GALNT7: variants seen among roughly 807,000 people sequenced by gnomAD.
GALNT7 encodes the protein N-acetylgalactosaminyltransferase 7.
A neutral mutation model predicts 82.1 loss-of-function variants in GALNT7; 60 were observed. That is an observed-to-expected ratio of 0.73 (90% CI 0.59 to 0.91). The LOEUF is 0.91. Among genes scored for constraint, GALNT7 ranks in the 40% least tolerant of loss-of-function variants. The pLI is 0.00. For synonymous variants in GALNT7, 243 were observed against 275.1 expected (o/e 0.88, Z 1.15); for missense variants, 660 against 804.2 (o/e 0.82, Z 2.17).
intron 8 of GALNT7, among the ~76,000 whole-genome samples, chr4:173,304,690 C>T (rs980631968): frequency 6.6e-6 from 1 of 151,814 alleles, no homozygotes; most frequent in African/African-American, 2.4e-5. Context: ...CAAAATCAGC[C>T]CACTCCCCCC....
At chr4:173,265,304 G>T (rs1735441727) in intron 2 of GALNT7, among the ~76,000 whole-genome samples, 1 of 152,132 alleles carries the variant, frequency 6.6e-6, no homozygotes, top group Admixed American at 6.5e-5. Flanking sequence ...AACCCATTTT[G>T]CCTGACATAC....
At chr4:173,272,528 A>G (rs1465264966) in intron 2 of GALNT7, among the ~76,000 whole-genome samples, 2 of 152,214 alleles carry the variant, frequency 1.3e-5, no homozygotes, top group Non-Finnish European at 2.9e-5. Context: ...CTATTTGATA[A>G]CTAACTTCAA....
At chr4:173,217,682 A>G (rs1733514135) in intron 1 of GALNT7, among the ~76,000 whole-genome samples, 1 of 152,132 alleles carries the variant, frequency 6.6e-6, no homozygotes, top group Admixed American at 6.5e-5. Context: ...GTTTTTTGCC[A>G]TTCATAATTT....
At chr4:173,283,649 A>G (rs1451432164) in intron 2 of GALNT7, among the ~76,000 whole-genome samples, 1 of 151,886 alleles carries the variant, frequency 6.6e-6, no homozygotes, top group Non-Finnish European at 1.5e-5. Context: ...AAAAAAAAAA[A>G]AAAAGAAAGT....
chr4:173,285,748 C>T (rs1336195121), intron 2 of GALNT7, among the ~76,000 whole-genome samples: 2 of 152,096 alleles, frequency 1.3e-5, no homozygotes, highest in Non-Finnish European at 2.9e-5. Context: ...CAGGGTGGAG[C>T]CCTTTTACGA....
At chr4:173,200,164 A>G (rs1273314550) in intron 1 of GALNT7, among the ~76,000 whole-genome samples, 2 of 152,252 alleles carry the variant, frequency 1.3e-5, no homozygotes, top group South Asian at 2.1e-4. Flanking sequence ...AACCAATTAT[A>G]TATCTAACTT....
chr4:173,318,362 C>G (rs1737679341), intron 10 of GALNT7, 69 bp from the exon 11 acceptor site: 2 of 1,279,684 alleles, frequency 1.6e-6, no homozygotes, highest in South Asian at 1.4e-5. Flanking sequence ...AGTTAAGTTT[C>G]TTTCTTTTCA....
chr4:173,209,588 A>G (rs1003179216), intron 1 of GALNT7, among the ~76,000 whole-genome samples: 1 of 152,136 alleles, frequency 6.6e-6, no homozygotes, highest in Non-Finnish European at 1.5e-5. Flanking sequence ...GTCTCCTTCC[A>G]CTACCTGACA....
At chr4:173,184,203 C>A (rs933752418) in intron 1 of GALNT7, among the ~76,000 whole-genome samples, 1 of 151,884 alleles carries the variant, frequency 6.6e-6, no homozygotes, top group African/African-American at 2.4e-5. Context: ...GGGTGGCGGC[C>A]GGGCAGAGGC....
rs193090455 is a variant in GALNT7 at position 173,182,334 on chromosome 4, T to C, written c.126+13373T>C. Among the ~76,000 whole-genome samples, 413 of 152,322 alleles carry C rather than the reference T, an allele frequency of 2.7e-3. 7 individuals are homozygous for C. Among genetic ancestry groups the C allele is most frequent in the Admixed American group, 0.024 (366 of 15,298 alleles). On this transcript the variant is annotated intron_variant, in intron 1 of 11. Coordinates refer to ENST00000265000, the MANE Select transcript of GALNT7 (RefSeq NM_017423.3). ...ACTTAAGGTAAGAGCAAAAGTAATA[T>C]ACATTTGTTCAGTATTTTTGTTTTC...
intron 1 of GALNT7, among the ~76,000 whole-genome samples, chr4:173,226,552 G>A (rs1156757221): frequency 1.3e-5 from 2 of 152,062 alleles, no homozygotes; most frequent in Non-Finnish European, 2.9e-5. Flanking sequence ...TTGTTAAAGC[G>A]TCCTCTTTGA....
At chr4:173,241,061 G>C (rs980237154) in intron 1 of GALNT7, among the ~76,000 whole-genome samples, 1 of 152,066 alleles carries the variant, frequency 6.6e-6, no homozygotes, top group Non-Finnish European at 1.5e-5. Context: ...ATAACTCAAA[G>C]AGTTGATTGA....
intron 2 of GALNT7, among the ~76,000 whole-genome samples, chr4:173,252,079 G>A (rs575512843): frequency 6.6e-6 from 1 of 152,184 alleles, no homozygotes; most frequent in South Asian, 2.1e-4. Flanking sequence ...ACAATCTTTG[G>A]AATTTTTCTC....
At chr4:173,290,356 C>T (rs981260519) in intron 2 of GALNT7, among the ~76,000 whole-genome samples, 5 of 152,128 alleles carry the variant, frequency 3.3e-5, no homozygotes, top group Non-Finnish European at 7.4e-5. Flanking sequence ...TATACATGCT[C>T]ACATGGGAGA....
At chr4:173,222,235 G>A (rs1345048779) in intron 1 of GALNT7, among the ~76,000 whole-genome samples, 1 of 151,970 alleles carries the variant, frequency 6.6e-6, no homozygotes, top group Non-Finnish European at 1.5e-5. Flanking sequence ...TTTATGCTTG[G>A]TATTGGTTTG....
chr4:173,307,329 C>T (rs1737195660), intron 8 of GALNT7, among the ~76,000 whole-genome samples: 1 of 152,192 alleles, frequency 6.6e-6, no homozygotes, highest in African/African-American at 2.4e-5. Flanking sequence ...AACCCCAGGA[C>T]TTAGGGCACA....
intron 5 of GALNT7, 115 bp from the exon 6 acceptor site, chr4:173,297,997 TTTC>T: frequency 6.6e-7 from 1 of 1,513,618 alleles, no homozygotes; most frequent in South Asian, 1.3e-5. Flanking sequence ...ATTACTTTAT[TTTC>T]TTATGTTGAA....
intron 1 of GALNT7, among the ~76,000 whole-genome samples, chr4:173,207,512 A>G (rs1186982302): frequency 6.6e-6 from 1 of 152,126 alleles, no homozygotes; most frequent in Non-Finnish European, 1.5e-5. Context: ...TATTTTCCAT[A>G]TCGTTTAGTA....
At chr4:173,225,667 A>G (rs1394623626) in intron 1 of GALNT7, among the ~76,000 whole-genome samples, 1 of 152,222 alleles carries the variant, frequency 6.6e-6, no homozygotes, top group African/African-American at 2.4e-5. Context: ...ACTTAAATAT[A>G]TGTACTCTGC....
Sources: gnomAD v4.1 joint callset for allele counts (sites outside exome capture counted in the v4.1 genomes callset) on GRCh38, gnomAD v4.1.1 for gene constraint, MANE v1.5 for transcripts, NCBI Gene and HGNC (gene_info 2026-07-23, HGNC 2026-07-21) for gene names.